The following TSGA13 variants were observed in gnomAD, a reference collection of about 807,000 sequenced individuals.
TSGA13 encodes testis specific 13, also known as testis-specific gene 13 protein.
TSGA13 carries 37 observed loss-of-function variants against 35.1 expected under a neutral mutation model. That is an observed-to-expected ratio of 1.05 (90% CI 0.81 to 1.39). The LOEUF is 1.39. Ranked by LOEUF, TSGA13 falls within the 40% of genes most tolerant of loss-of-function variation. The probability of loss-of-function intolerance (pLI) is 0.00; values close to 1 mark genes in which losing one functional copy is unlikely to be tolerated. For missense variants in TSGA13, 338 were observed against 328.5 expected (o/e 1.03, Z -0.22); for synonymous variants, 124 against 121.2 (o/e 1.02, Z -0.15).
chr7:130,684,891 G>A (rs1796626103), intron 2 of TSGA13, among the ~76,000 whole-genome samples: 1 of 152,142 alleles, frequency 6.6e-6, no homozygotes. Context: ...TACCTAAAAG[G>A]AAGCACAGAA....
chr7:130,681,657 T>G (rs1479561657), intron 3 of TSGA13, among the ~76,000 whole-genome samples: 2 of 152,186 alleles, frequency 1.3e-5, no homozygotes, highest in Non-Finnish European at 2.9e-5. Context: ...TTATTTTTAT[T>G]TTTATTTTTT....
At chr7:130,685,491 A>G (rs1796639566) in intron 1 of TSGA13, 131 bp from the exon 2 acceptor site, 1 of 810,470 alleles carries the variant, frequency 1.2e-6, no homozygotes, top group Non-Finnish European at 1.7e-6. Flanking sequence ...GCGATTATCC[A>G]ATGTAAAACA....
rs1325553039 is a variant in TSGA13 at position 130,686,291 on chromosome 7, T to C, written c.-180A>G. Reference sequence around the variant, plus strand: ...AATTTTTCTGGAATTGTAAGTCCAATTCATGTATATGGTGAAACTAAAATA... The same window carrying C: ...AATTTTTCTGGAATTGTAAGTCCAACTCATGTATATGGTGAAACTAAAATA... On this transcript the variant is annotated 5_prime_UTR_variant, in exon 1 of 8. Transcript: ENST00000356588. 4 of 152,206 alleles carry C rather than the reference T, an allele frequency of 2.6e-5. No individual in the cohort carries two copies. The East Asian group carries it at 7.7e-4, about 29-fold the overall frequency. The allele number at this position is 152,206 out of a possible 1,614,324, so 9.4% of individuals were successfully genotyped here.
chr7:130,673,435 A>C (rs1433054401), intron 5 of TSGA13, among the ~76,000 whole-genome samples: 3 of 151,992 alleles, frequency 2.0e-5, no homozygotes, highest in African/African-American at 7.3e-5. Flanking sequence ...TAATCTCACT[A>C]TCAAGTGCTC....
intron 4 of TSGA13, among the ~76,000 whole-genome samples, chr7:130,680,235 G>A (rs527626116): frequency 1.7e-4 from 26 of 152,302 alleles, no homozygotes; most frequent in South Asian, 8.3e-4. Context: ...GGCCAGGTGC[G>A]GTGGCTCACG....
chr7:130,673,890 C>T (rs893489719), intron 5 of TSGA13, among the ~76,000 whole-genome samples: 5 of 151,982 alleles, frequency 3.3e-5, no homozygotes, highest in Middle Eastern at 3.2e-3. Context: ...GTCAGGAGTT[C>T]GAGACCAGCC....
At chr7:130,669,284 G>C in intron 7 of TSGA13, 101 bp from the exon 8 acceptor site, 1 of 1,458,056 alleles carries the variant, frequency 6.9e-7, no homozygotes, top group Non-Finnish European at 9.4e-7. Context: ...AGGGACCAGA[G>C]GCTGGTCTTT....
At chr7:130,686,131 G>C (rs1796652514) in intron 1 of TSGA13, 131 bp downstream of exon 1, 1 of 152,272 alleles carries the variant, frequency 6.6e-6, no homozygotes, top group African/African-American at 2.4e-5. Flanking sequence ...CCATAGACAA[G>C]GGTTTATGTC....
chr7:130,681,069 G>C (rs1554465035), intron 3 of TSGA13, 52 bp from the exon 4 acceptor site: 1 of 1,500,902 alleles, frequency 6.7e-7, no homozygotes, highest in East Asian at 2.3e-5. Context: ...ATCCTAAACA[G>C]TATTCCATTC....
At chr7:130,674,400 T>A (rs1176870100) in intron 5 of TSGA13, among the ~76,000 whole-genome samples, 2 of 152,092 alleles carry the variant, frequency 1.3e-5, no homozygotes, top group Non-Finnish European at 2.9e-5. Flanking sequence ...CTCGAACTCC[T>A]GACCTCGTGA....
At chr7:130,679,132 G>GGT in intron 5 of TSGA13, 23 bp downstream of exon 5, 3 of 1,587,888 alleles carry the variant, frequency 1.9e-6, no homozygotes, top group Non-Finnish European at 2.6e-6. Flanking sequence ...TCACATTTTG[G>GGT]GTGCCAGGAG....
intron 6 of TSGA13, among the ~76,000 whole-genome samples, chr7:130,672,442 G>A (rs1268300158): frequency 6.6e-6 from 1 of 151,480 alleles, no homozygotes; most frequent in Admixed American, 6.6e-5. Context: ...CTGTGATATA[G>A]CGCCTAACTT....
chr7:130,679,299 G>A lies in TSGA13; in HGVS notation c.243C>T (p.Thr81=). The part of the protein sequence containing the change: ...QKFLAQNRKN[T]SFMLKVTQYD... ...ACTGTGTTACTTTTAACATGAAGCT[G>A]GTGTTTTTCCTGTTTTGAGCCAGGA... is the stretch of plus-strand genomic sequence containing the variant. Residue 81 remains threonine (T), a synonymous_variant, in exon 5 of 8, where the codon ACC becomes ACT. Coordinates refer to ENST00000356588, the MANE Select transcript of TSGA13 (RefSeq NM_052933.4). 6.2e-7 allele frequency: 1 copy of A among 1,614,154 alleles called. No individual in the cohort carries two copies. Among genetic ancestry groups the A allele is most frequent in the Non-Finnish European group, 8.5e-7 (1 of 1,180,024 alleles).
In TSGA13 at chr7:130,669,006, G is replaced by A. The variant is rs112492101; in HGVS notation, c.*8C>T. The A allele has an allele frequency of 1.3e-3, 2,163 of 1,613,866 alleles. 21 individuals are homozygous for A. The African/African-American group carries it at 0.025, about 18-fold the overall frequency. On this transcript the variant is annotated 3_prime_UTR_variant, in exon 8 of 8. Coordinates refer to ENST00000356588, the MANE Select transcript of TSGA13 (RefSeq NM_052933.4). ...GAGAGCGAGGCGGGAGGACTGAGGG[G>A]TCTGTGTTCACCCGATGACCGTGGC... is the stretch of plus-strand genomic sequence containing the variant.
In TSGA13 at chr7:130,676,480, C is replaced by T. The variant is rs112495202; in HGVS notation, c.387+2675G>A. Among the ~76,000 whole-genome samples the T allele has an allele frequency of 7.6e-3, 1,162 of 152,332 alleles. 13 individuals carry two copies. Among genetic ancestry groups the T allele is most frequent in the African/African-American group, 0.024 (1,007 of 41,576 alleles). The stretch of plus-strand genomic sequence containing the variant: ...CATGATAGCTTTGTATTTCCTTCTG[C>T]GCATTAAGCAGGGCAATCCTGGCCT... On this transcript the variant is annotated intron_variant, in intron 5 of 7. Coordinates refer to ENST00000356588, the MANE Select transcript of TSGA13 (RefSeq NM_052933.4).
At chr7:130,680,788 A>G (rs566908202) in intron 4 of TSGA13, among the ~76,000 whole-genome samples, 158 bp downstream of exon 4, 17 of 152,276 alleles carry the variant, frequency 1.1e-4, no homozygotes, top group African/African-American at 3.8e-4. Context: ...TGCCTCTGGC[A>G]TCATAACCTA....
chr7:130,668,779 C>T lies in TSGA13; in HGVS notation c.*235G>A. 2 of 1,366,330 alleles carry T rather than the reference C, an allele frequency of 1.5e-6. No individual in the cohort carries two copies. Among genetic ancestry groups the T allele is most frequent in the Non-Finnish European group, 2.0e-6 (2 of 1,023,194 alleles). 84.6% of individuals were successfully genotyped at this position (1,366,330 alleles called of 1,614,324 possible). A position where few individuals can be genotyped will look rare whatever the true frequency, so the allele number is the denominator to read the frequency against. On this transcript the variant is annotated 3_prime_UTR_variant, in exon 8 of 8. Coordinates refer to ENST00000356588, the MANE Select transcript of TSGA13 (RefSeq NM_052933.4). ...CCCCGCGCTCTCACGCCGGTTGGGC[C>T]GCCGCGCCTTCACTCGGGGCCAAGG...
Position 130,686,272 on chromosome 7 carries a change from T to C in TSGA13, c.-161A>G, listed in dbSNP as rs1298376893. 6.6e-6 allele frequency: 1 copy of C among 152,220 alleles called. No homozygotes were observed. 9.4% of individuals were successfully genotyped at this position (152,220 alleles called of 1,614,324 possible). A position where few individuals can be genotyped will look rare whatever the true frequency, so the allele number is the denominator to read the frequency against. On this transcript the variant is annotated 5_prime_UTR_variant, in exon 1 of 8. Coordinates refer to ENST00000356588, the MANE Select transcript of TSGA13 (RefSeq NM_052933.4). The stretch of plus-strand genomic sequence containing the variant: ...TCACCCTTTTCTCACCTTTAATTTT[T>C]CTGGAATTGTAAGTCCAATTCATGT...
chr7:130,685,221 T>C lies in TSGA13; in HGVS notation c.-11A>G, dbSNP rs546627961. 154 of 1,613,220 alleles carry C rather than the reference T, an allele frequency of 9.5e-5. 3 individuals are homozygous for C. The South Asian group carries it at 1.6e-3, about 16-fold the overall frequency. On this transcript the variant is annotated 5_prime_UTR_variant, in exon 2 of 8. Transcript: ENST00000356588. ...TCTCTTTTGGCTCATTGCTGTTGAC[T>C]GCTAGTTGGCCAACCCAAGGCAGGT...
Sources: allele counts gnomAD v4.1 joint callset (sites outside exome capture counted in the v4.1 genomes callset), GRCh38; gene constraint gnomAD v4.1.1; transcripts MANE v1.5; gene names NCBI Gene and HGNC (gene_info 2026-07-23, HGNC 2026-07-21).